Variants in TENM2 observed in about 807,000 individuals in gnomAD.
The protein encoded by TENM2 is teneurin transmembrane protein 2.
A neutral mutation model predicts 245.2 loss-of-function variants in TENM2; 52 were observed. The observed-to-expected ratio is 0.21, with a 90% CI of 0.17 to 0.27. TENM2 has a LOEUF of 0.27. Ranked by LOEUF, TENM2 falls within the 10% of genes least tolerant of loss-of-function variation. The pLI, the probability that TENM2 is intolerant of heterozygous loss-of-function variation, is 1.00. For synonymous variants in TENM2, 1,363 were observed against 1,438.9 expected, an observed-to-expected ratio of 0.95 and a Z score of 1.19; for missense variants, 3,046 against 3,666.8, an observed-to-expected ratio of 0.83 and a Z score of 4.37.
chr5:167,588,862 C>A (rs542693198), intron 2 of TENM2, among the ~76,000 whole-genome samples: 1 of 152,156 alleles, frequency 6.6e-6, no homozygotes, highest in Non-Finnish European at 1.5e-5. Context: ...TTCATCTTGT[C>A]TGTTTATTCT....
At chr5:168,212,102 C>G (rs757645231) in intron 20 of TENM2, among the ~76,000 whole-genome samples, 2 of 151,204 alleles carry the variant, frequency 1.3e-5, no homozygotes, top group South Asian at 2.1e-4. Flanking sequence ...ACTGGGTTCA[C>G]AAAAGCTTTA....
chr5:167,950,664 G>A (rs556189203), intron 3 of TENM2, among the ~76,000 whole-genome samples: 1 of 152,214 alleles, frequency 6.6e-6, no homozygotes, highest in East Asian at 1.9e-4. Flanking sequence ...TGTGTGAGGG[G>A]CTTGGATAGC....
At chr5:167,322,106 A>T (rs1486936611) in intron 1 of TENM2, among the ~76,000 whole-genome samples, 1 of 151,514 alleles carries the variant, frequency 6.6e-6, no homozygotes, top group Non-Finnish European at 1.5e-5. Context: ...TGCTGGCATG[A>T]TAGGCTTGAG....
At chr5:167,762,137 T>C (rs1200430044) in intron 2 of TENM2, among the ~76,000 whole-genome samples, 1 of 150,900 alleles carries the variant, frequency 6.6e-6, no homozygotes, top group East Asian at 1.9e-4. Context: ...TTCTCTCTCC[T>C]CTCTCTCTCT....
At chr5:168,169,947 C>T (rs778994599) in intron 13 of TENM2, among the ~76,000 whole-genome samples, 1 of 152,198 alleles carries the variant, frequency 6.6e-6, no homozygotes, top group Non-Finnish European at 1.5e-5. Context: ...AAAGCAATGT[C>T]TCTAATGCTT....
At chr5:167,625,052 C>A (rs1008648252) in intron 2 of TENM2, among the ~76,000 whole-genome samples, 3 of 152,054 alleles carry the variant, frequency 2.0e-5, no homozygotes, top group Admixed American at 6.6e-5. Flanking sequence ...TTTAGCAAAT[C>A]ACTTCCTTAA....
the TENM2 span, among the ~76,000 whole-genome samples, chr5:167,136,061 T>C: frequency 2.0e-5 from 3 of 152,186 alleles, no homozygotes; most frequent in Non-Finnish European, 4.4e-5. Flanking sequence ...AGCCTCACAT[T>C]TGAGAGAGGA....
chr5:167,742,941 C>T (rs188925379), intron 2 of TENM2, among the ~76,000 whole-genome samples: 317 of 151,704 alleles, frequency 2.1e-3, no homozygotes, highest in South Asian at 4.2e-3. Flanking sequence ...GCATTCCAGC[C>T]TGGGTGCTGG....
intron 5 of TENM2, among the ~76,000 whole-genome samples, chr5:168,014,414 G>A (rs1428268161): frequency 6.6e-6 from 1 of 152,108 alleles, no homozygotes. Context: ...AAGTGCGCTG[G>A]CCTCTGAGTC....
intron 2 of TENM2, among the ~76,000 whole-genome samples, chr5:167,771,689 C>T (rs138840771): frequency 0.013 from 2,051 of 152,272 alleles, 17 homozygotes; most frequent in Middle Eastern, 0.034. Flanking sequence ...CTGATGGCTT[C>T]GCTAATTTCA....
chr5:167,068,814 T>C, the TENM2 span, among the ~76,000 whole-genome samples: 25 of 152,232 alleles, frequency 1.6e-4, no homozygotes, highest in Non-Finnish European at 3.1e-4. Flanking sequence ...AATTATTTTA[T>C]TGTGAGTCCC....
intron 4 of TENM2, among the ~76,000 whole-genome samples, chr5:167,953,697 G>T (rs1486375536): frequency 6.6e-6 from 1 of 152,046 alleles, no homozygotes; most frequent in Non-Finnish European, 1.5e-5. Context: ...CAGAGAGGAG[G>T]GCTAATTCAT....
rs765521633 is a variant in TENM2, at chr5:168,247,135, C to T, written c.6196C>T (p.Arg2066Trp). ...GGGCTTCTCCTGCACCATCAGGTAC[C>T]GGAAGATTGGCCCCCTGGTGGACAA... Residue 2066 changes from arginine to tryptophan, a missense_variant, in exon 27 of 29, where the codon CGG becomes TGG. Arg to Trp is a moderately radical substitution (Grantham distance 101, BLOSUM62 -3). Transcript: ENST00000518659. The surrounding 1 kb of genome is among the most constrained non-coding windows in gnomAD (Gnocchi z 7.8). The T allele has an allele frequency of 7.4e-6, 12 of 1,613,728 alleles. No homozygotes were observed. The highest frequency in any genetic ancestry group is 4.0e-5 in the African/African-American group (3 of 74,874).
intron 2 of TENM2, among the ~76,000 whole-genome samples, chr5:167,402,610 T>C (rs1762422320): frequency 6.6e-6 from 1 of 152,120 alleles, no homozygotes; most frequent in African/African-American, 2.4e-5. Context: ...ATTCTCTCTT[T>C]CTCCTTCTCC....
chr5:167,311,770 A>C lies in TENM2; in HGVS notation c.226+26707A>C, dbSNP rs138112576. On this transcript the variant is annotated intron_variant, in intron 1 of 28. Transcript: ENST00000518659. ...ATAAATGTTTGGGGCATGCATCTAA[A>C]ATCAAAAATGCTTTTTAAGACAAAA... 3.1e-3 allele frequency among the ~76,000 whole-genome samples: 474 copies of C among 152,352 alleles called. 3 individuals are homozygous for C. Among genetic ancestry groups the C allele is most frequent in the Middle Eastern group, 0.01 (3 of 294 alleles).
At position 168,260,291 on chromosome 5, in the gene TENM2, A is replaced by G; in HGVS notation, c.7441A>G (p.Ser2481Gly). 1 of 1,614,000 alleles carries G rather than the reference A, an allele frequency of 6.2e-7. No homozygotes were observed. The highest frequency in any genetic ancestry group is 8.5e-7 in the Non-Finnish European group (1 of 1,179,888). The change falls in exon 28 of 29, where the codon AGC (serine) becomes GGC (glycine). Residue 2481 changes from serine to glycine, a missense_variant. Physicochemically the swap from Ser to Gly is moderately conservative, Grantham distance 56. This residue lies in a region of TENM2 where 2,704 missense variants were observed against 3,331.9 expected (regional missense o/e 0.81). Transcript: ENST00000518659. ...TTTGTTTTCCACCATAGATGTGAAA[A>G]GCTGGCTTGTGATGTTTGGATTTCA...
chr5:167,420,435 T>A (rs1763436095), intron 2 of TENM2, among the ~76,000 whole-genome samples: 1 of 152,106 alleles, frequency 6.6e-6, no homozygotes, highest in Non-Finnish European at 1.5e-5. Flanking sequence ...TTTACACCCT[T>A]CTCAGCAGGG....
chr5:167,531,999 G>A (rs1247019296), intron 2 of TENM2, among the ~76,000 whole-genome samples: 1 of 152,074 alleles, frequency 6.6e-6, no homozygotes, highest in African/African-American at 2.4e-5. Context: ...TTTATTCAGT[G>A]CATCTTTACT....
At chr5:167,660,542 T>TA (rs941673059) in intron 2 of TENM2, 4 of 149,802 alleles carry the variant, frequency 2.7e-5, no homozygotes, top group African/African-American at 9.8e-5. Context: ...TAATTATGTC[T>TA]AAAAACCTCT....
Sources: allele counts gnomAD v4.1 joint callset (sites outside exome capture counted in the v4.1 genomes callset), GRCh38; gene constraint gnomAD v4.1.1; regional missense constraint gnomAD v4.1.1; non-coding constraint Gnocchi (gnomAD v3.1); transcripts MANE v1.5; gene names NCBI Gene and HGNC (gene_info 2026-07-23, HGNC 2026-07-21).